The following RBBP5 variants were observed in gnomAD, a reference collection of about 807,000 sequenced individuals.
RBBP5 encodes RB binding protein 5, histone lysine methyltransferase complex subunit.
In RBBP5, 5 loss-of-function variants were observed where a neutral mutation model predicts 72.2. The ratio of observed to expected loss-of-function variants is 0.07; its 90% CI spans 0.04 to 0.15. RBBP5 has a LOEUF of 0.15. Among genes scored for constraint, RBBP5 ranks in the 10% least tolerant of loss-of-function variants. The pLI, the probability that RBBP5 is intolerant of heterozygous loss-of-function variation, is 1.00. For missense variants in RBBP5, 322 were observed against 652.2 expected (o/e 0.49, Z 5.51); for synonymous variants, 209 against 237.2 (o/e 0.88, Z 1.09).
chr1:205,095,574 A>T (rs1045992525), intron 12 of RBBP5, among the ~76,000 whole-genome samples: 7 of 152,166 alleles, frequency 4.6e-5, no homozygotes, highest in Non-Finnish European at 1.0e-4. Context: ...ACCAAGCCAG[A>T]AGAAGGAACA....
intron 5 of RBBP5, among the ~76,000 whole-genome samples, 182 bp from the exon 6 acceptor site, chr1:205,101,891 AGT>A (rs1655837576): frequency 2.3e-5 from 3 of 129,554 alleles, no homozygotes; most frequent in African/African-American, 8.3e-5. Context: ...GTCTTAATCT[AGT>A]CTTTTTTTTT....
Position 205,097,401 on chromosome 1 carries a change from G to A in RBBP5, c.1097-6C>T. 6.4e-7 allele frequency: 1 copy of A among 1,552,292 alleles called. No individual in the cohort carries two copies. Among genetic ancestry groups the A allele is most frequent in the Non-Finnish European group, 8.7e-7 (1 of 1,147,194 alleles). ...ATCTTCTGCAGCATCAGCCCCTGCA[G>A]GACAGAAACACAGGAGATGTTTGAG... On this transcript the variant is annotated splice_polypyrimidine_tract_variant and splice_region_variant and intron_variant, in intron 10 of 13. Transcript: ENST00000264515.
At chr1:205,105,219 ACT>A in intron 3 of RBBP5, 51 bp from the exon 4 acceptor site, 1 of 1,566,660 alleles carries the variant, frequency 6.4e-7, no homozygotes, top group Non-Finnish European at 8.7e-7. Context: ...ATATCATACC[ACT>A]CTCATGAATA....
rs1160440082 is a variant in RBBP5 at position 205,087,856 on chromosome 1, A to C, written c.*931T>G. The C allele has an allele frequency of 6.5e-6, 1 of 152,684 alleles. No homozygotes were observed. Among genetic ancestry groups the C allele is most frequent in the Non-Finnish European group, 1.5e-5 (1 of 68,058 alleles). 9.5% of individuals were successfully genotyped at this position (152,684 alleles called of 1,614,324 possible). On this transcript the variant is annotated 3_prime_UTR_variant, in exon 14 of 14. Transcript: ENST00000264515. ...CTGATGAGGATAGATTTCCACAGGC[A>C]GTGATACAAAAAATTCACCTTGATC...
intron 12 of RBBP5, among the ~76,000 whole-genome samples, chr1:205,095,777 G>C (rs1655587141): frequency 6.6e-6 from 1 of 152,196 alleles, no homozygotes; most frequent in Non-Finnish European, 1.5e-5. Flanking sequence ...ACAACTTGCA[G>C]GGTTGATGTA....
chr1:205,089,275 A>C (rs1383412825), intron 13 of RBBP5, among the ~76,000 whole-genome samples: 1 of 152,222 alleles, frequency 6.6e-6, no homozygotes, highest in Non-Finnish European at 1.5e-5. Context: ...CAGTTCCTTA[A>C]GTGACATACT....
At chr1:205,093,458 C>CCAAAAAAAAAAAAAAAAAAAAAAAAAA (rs1553352080) in intron 13 of RBBP5, among the ~76,000 whole-genome samples, 1 of 18,324 alleles carries the variant, frequency 5.5e-5, no homozygotes. Context: ...AACTCCGTTT[C>CCAAAAAAAAAAAAAAAAAAAAAAAAAA]AAAAAAAAAA....
At chr1:205,115,740 T>C (rs1457020142) in intron 2 of RBBP5, 118 bp downstream of exon 2, 3 of 1,289,382 alleles carry the variant, frequency 2.3e-6, no homozygotes, top group African/African-American at 1.5e-5. Flanking sequence ...GCATAAGATA[T>C]ATTATCACAC....
chr1:205,098,725 A>G (rs964928292), intron 10 of RBBP5, among the ~76,000 whole-genome samples: 5 of 151,804 alleles, frequency 3.3e-5, no homozygotes, highest in Non-Finnish European at 5.9e-5. Context: ...GGCACCTGTA[A>G]TCCCAGCTAC....
intron 13 of RBBP5, 72 bp from the exon 14 acceptor site, chr1:205,088,887 C>A (rs1283879953): frequency 2.1e-6 from 3 of 1,395,466 alleles, no homozygotes; most frequent in Non-Finnish European, 2.9e-6. Context: ...AACAGAAATA[C>A]TGAATGCTGG....
intron 3 of RBBP5, among the ~76,000 whole-genome samples, chr1:205,112,018 T>A (rs1656335562): frequency 6.6e-6 from 1 of 152,054 alleles, no homozygotes; most frequent in African/African-American, 2.4e-5. Context: ...CTTACAAATT[T>A]AAAGTTATAA....
At chr1:205,103,384 ACTT>A (rs1473484795) in intron 5 of RBBP5, among the ~76,000 whole-genome samples, 2 of 152,188 alleles carry the variant, frequency 1.3e-5, no homozygotes, top group Non-Finnish European at 2.9e-5. Context: ...ACCTAACCTG[ACTT>A]CTTATTCCAC....
At chr1:205,097,547 G>A in intron 10 of RBBP5, 152 bp from the exon 11 acceptor site, 7 of 785,018 alleles carry the variant, frequency 8.9e-6, no homozygotes, top group South Asian at 1.7e-5. Context: ...AATATGTGCT[G>A]AATTTCCACC....
Position 205,088,742 on chromosome 1 carries a change from C to A in RBBP5, c.*45G>T, listed in dbSNP as rs929898531. 1.3e-6 allele frequency: 2 copies of A among 1,556,328 alleles called. No homozygotes were observed. The highest frequency in any genetic ancestry group is 1.8e-6 in the Non-Finnish European group (2 of 1,133,220). ...AATGACTGACCACAGTGTCCAGAGG[C>A]CACATGATGGCAAAGTGAGAAAGAA... On this transcript the variant is annotated 3_prime_UTR_variant, in exon 14 of 14. Coordinates refer to ENST00000264515, the MANE Select transcript of RBBP5 (RefSeq NM_005057.4).
rs1304338487 is a variant in RBBP5, at chr1:205,101,556, A to T, written c.632+44T>A. 3 of 1,373,942 alleles carry T rather than the reference A, an allele frequency of 2.2e-6. No homozygotes were observed. In the Admixed American group the frequency reaches 6.6e-5, roughly 30 times the overall value. The allele number at this position is 1,373,942 out of a possible 1,614,324, so 85.1% of individuals were successfully genotyped here. A position where few individuals can be genotyped will look rare whatever the true frequency, so the allele number is the denominator to read the frequency against. On this transcript the variant is annotated intron_variant, in intron 6 of 13. Transcript: ENST00000264515. ...AAATCTCCATGTATTTTTGCATTCT[A>T]TTCACTCTTAAAACTGTCCCTTAAA... is the stretch of plus-strand genomic sequence containing the variant.
At position 205,097,541 on chromosome 1, in the gene RBBP5, T is replaced by C. The variant is rs1324513901; in HGVS notation, c.1097-146A>G. On this transcript the variant is annotated intron_variant, in intron 10 of 13. Transcript: ENST00000264515. ...ACTTCACTTAATCATTTAACAAATA[T>C]GTGCTGAATTTCCACCCTATCCTAG... 8.6e-6 allele frequency: 7 copies of C among 812,130 alleles called. No homozygotes were observed. The East Asian group carries it at 1.6e-4, about 19-fold the overall frequency. The allele number at this position is 812,130 out of a possible 1,614,324, so 50.3% of individuals were successfully genotyped here. A position where few individuals can be genotyped will look rare whatever the true frequency, so the allele number is the denominator to read the frequency against.
At position 205,088,823 on chromosome 1, in the gene RBBP5, G is replaced by C. The variant is rs373543476; in HGVS notation, c.1589-8C>G. On this transcript the variant is annotated splice_region_variant and splice_polypyrimidine_tract_variant and intron_variant, in intron 13 of 13. Coordinates refer to ENST00000264515, the MANE Select transcript of RBBP5 (RefSeq NM_005057.4). Reference sequence around the variant, plus strand: ...CTGAGATTGCTCCTCCTGCTAAAGAGATTAGACACAAAAAGATTTCTTTTA... The same window carrying C: ...CTGAGATTGCTCCTCCTGCTAAAGACATTAGACACAAAAAGATTTCTTTTA... The C allele has an allele frequency of 2.2e-5, 35 of 1,569,730 alleles. No homozygotes were observed. The African/African-American group carries it at 4.4e-4, about 20-fold the overall frequency.
At position 205,101,584 on chromosome 1, in the gene RBBP5, G is replaced by GT; in HGVS notation, c.632+15dup. On this transcript the variant is annotated intron_variant, in intron 6 of 13. Transcript: ENST00000264515. ...CACTCTTAAAACTGTCCCTTAAAAG[G>GT]TAAGATCTCACTCACCTCCCCTTCC... The GT allele has an allele frequency of 6.3e-7, 1 of 1,576,732 alleles. No individual in the cohort carries two copies.
At position 205,121,846 on chromosome 1, in the gene RBBP5, C is replaced by G. The variant is rs559532830; in HGVS notation, c.19+9G>C. The G allele has an allele frequency of 5.3e-5, 86 of 1,612,366 alleles. 1 individual carries two copies. In the South Asian group the frequency reaches 6.0e-4, roughly 11 times the overall value. ...CGCTTCTCTAAAACGCAGCCACAGC[C>G]CTTCTCACCCAGCAACTCGAGGTTC... On this transcript the variant is annotated intron_variant, in intron 1 of 13. Transcript: ENST00000264515.
Sources: gnomAD v4.1 joint callset for allele counts (sites outside exome capture counted in the v4.1 genomes callset) on GRCh38, gnomAD v4.1.1 for gene constraint, MANE v1.5 for transcripts, NCBI Gene and HGNC (gene_info 2026-07-23, HGNC 2026-07-21) for gene names.